PEAK1: variants seen among roughly 807,000 people sequenced by gnomAD.
PEAK1 encodes pseudopodium enriched atypical kinase 1, also known as inactive tyrosine-protein kinase PEAK1.
Under a neutral mutation model 124.7 loss-of-function variants are expected in PEAK1, and 54 were observed. The ratio of observed to expected loss-of-function variants is 0.43; its 90% CI spans 0.35 to 0.54. The LOEUF (loss-of-function observed/expected upper bound fraction) is 0.54, where lower values mean the gene tolerates loss of function less well. Among genes scored for constraint, PEAK1 ranks in the 20% least tolerant of loss-of-function variants. The pLI is 0.01. For missense variants in PEAK1, 2,046 were observed against 2,134.5 expected, an observed-to-expected ratio of 0.96 and a Z score of 0.82; for synonymous variants, 719 against 760.0, an observed-to-expected ratio of 0.95 and a Z score of 0.89.
intron 2 of PEAK1, among the ~76,000 whole-genome samples, chr15:77,342,328 C>A (rs961238430): frequency 2.6e-5 from 4 of 152,138 alleles, no homozygotes; most frequent in Non-Finnish European, 5.9e-5. Context: ...CTCCCTTCAG[C>A]CCCTGGTATT....
At chr15:77,408,185 A>C (rs938563601) in intron 1 of PEAK1, among the ~76,000 whole-genome samples, 4 of 150,836 alleles carry the variant, frequency 2.7e-5, no homozygotes, top group Non-Finnish European at 4.4e-5. Flanking sequence ...ACACACACAC[A>C]CACCCTGGAA....
chr15:77,177,171 G>A (rs888421486), intron 7 of PEAK1, among the ~76,000 whole-genome samples: 1 of 152,088 alleles, frequency 6.6e-6, no homozygotes, highest in Non-Finnish European at 1.5e-5. Context: ...GGCAAGGCTG[G>A]TCTCGAACTC....
chr15:77,192,546 C>G (rs2057887219), intron 6 of PEAK1, among the ~76,000 whole-genome samples: 1 of 152,226 alleles, frequency 6.6e-6, no homozygotes, highest in Non-Finnish European at 1.5e-5. Context: ...TTCTCCTCAT[C>G]AGTGAGATAT....
chr15:77,131,915 C>T (rs896251992), intron 9 of PEAK1, among the ~76,000 whole-genome samples: 3 of 151,762 alleles, frequency 2.0e-5, no homozygotes, highest in African/African-American at 7.3e-5. Context: ...ACCACCTCTA[C>T]CAAAACCAAA....
chr15:77,225,666 T>TTATATATATATATATATATATATATA (rs55958042), intron 6 of PEAK1, among the ~76,000 whole-genome samples: 4 of 87,984 alleles, frequency 4.5e-5, no homozygotes, highest in Non-Finnish European at 9.3e-5. Flanking sequence ...TGTGTATAAT[T>TTATATATATATATATATATATATATA]TATATATATA....
chr15:77,196,403 C>T (rs968664597), intron 6 of PEAK1, among the ~76,000 whole-genome samples: 3 of 152,108 alleles, frequency 2.0e-5, no homozygotes, highest in Admixed American at 2.0e-4. Context: ...TTTCTTAGCT[C>T]CTCATACTCA....
chr15:77,121,839 G>A (rs556816537), intron 9 of PEAK1, among the ~76,000 whole-genome samples: 1 of 152,138 alleles, frequency 6.6e-6, no homozygotes, highest in Non-Finnish European at 1.5e-5. Flanking sequence ...GGAATGAATT[G>A]TGGAGGGACA....
intron 9 of PEAK1, among the ~76,000 whole-genome samples, chr15:77,119,150 C>T (rs1407768172): frequency 3.1e-5 from 4 of 128,110 alleles, no homozygotes; most frequent in South Asian, 2.4e-4. Flanking sequence ...GCCAAGGGAA[C>T]TCCTCGTGTG....
At position 77,114,110 on chromosome 15, in the gene PEAK1, A is replaced by C. The variant is rs768523285; in HGVS notation, c.*46T>G. On this transcript the variant is annotated 3_prime_UTR_variant, in exon 10 of 10. Transcript: ENST00000682557. ...ACTAGGGAGGGGAAGTGCATGGGTG[A>C]CATGAAGAAGGTGAAGATGTAGTAA... 1 of 1,577,476 alleles carries C rather than the reference A, an allele frequency of 6.3e-7. No individual in the cohort carries two copies.
chr15:77,230,505 G>A (rs2059864743), intron 6 of PEAK1, among the ~76,000 whole-genome samples: 1 of 152,080 alleles, frequency 6.6e-6, no homozygotes, highest in Admixed American at 6.6e-5. Context: ...AGCCTGAGGG[G>A]AGTCTTAATG....
intron 1 of PEAK1, among the ~76,000 whole-genome samples, chr15:77,407,181 C>T (rs766095397): frequency 1.1e-4 from 16 of 152,002 alleles, no homozygotes; most frequent in Admixed American, 2.6e-4. Context: ...AAGATAACAT[C>T]GGAAAAACCC....
At chr15:77,340,335 T>A (rs558241104) in intron 2 of PEAK1, among the ~76,000 whole-genome samples, 36 of 152,208 alleles carry the variant, frequency 2.4e-4, no homozygotes, top group Non-Finnish European at 4.3e-4. Flanking sequence ...AAGCTTGAAC[T>A]AACACAGATA....
chr15:77,258,111 T>C (rs1260606913), intron 5 of PEAK1, among the ~76,000 whole-genome samples: 1 of 152,232 alleles, frequency 6.6e-6, no homozygotes, highest in Non-Finnish European at 1.5e-5. Context: ...AACAGTACCA[T>C]GCTGTTTTGG....
chr15:77,358,326 TGA>T (rs1447122903), intron 2 of PEAK1, among the ~76,000 whole-genome samples: 3 of 152,198 alleles, frequency 2.0e-5, no homozygotes, highest in Non-Finnish European at 2.9e-5. Context: ...AAACTTCTCA[TGA>T]GAGTAGTCTA....
downstream of PEAK1, chr15:77,104,702 G>A (rs1596190524): frequency 6.6e-6 from 1 of 152,142 alleles, no homozygotes; most frequent in East Asian, 1.9e-4. Context: ...GAGTGAGGGA[G>A]GACTGTCCCT....
chr15:77,388,532 A>G (rs1395930829), intron 1 of PEAK1, among the ~76,000 whole-genome samples: 2 of 152,166 alleles, frequency 1.3e-5, no homozygotes, highest in Non-Finnish European at 2.9e-5. Context: ...TACTATGTCA[A>G]CTAACTCAGG....
At chr15:77,324,856 C>T (rs543229707) in intron 2 of PEAK1, among the ~76,000 whole-genome samples, 1 of 152,254 alleles carries the variant, frequency 6.6e-6, no homozygotes, top group East Asian at 1.9e-4. Context: ...TCCCACCAGG[C>T]CCCACATCCA....
intron 6 of PEAK1, among the ~76,000 whole-genome samples, chr15:77,226,714 T>G (rs759994705): frequency 3.3e-5 from 5 of 152,098 alleles, no homozygotes; most frequent in Admixed American, 6.6e-5. Context: ...TCTTCATAAG[T>G]CAAGATGAAA....
At position 77,181,573 on chromosome 15, in the gene PEAK1, ATTG is replaced by A; in HGVS notation, c.351_353del (p.Asn120del). Reference sequence around the variant, plus strand: ...TAATTCCTTCATCATCTTCATTATTATTGTTAAGTGGTTTCTGACTCAAGGCAG... The same window carrying A: ...TAATTCCTTCATCATCTTCATTATTATTAAGTGGTTTCTGACTCAAGGCAG... On this transcript the variant is annotated inframe_deletion, in exon 7 of 10. Transcript: ENST00000682557. 1.9e-6 allele frequency: 3 copies of A among 1,614,008 alleles called. No individual in the cohort carries two copies. Among genetic ancestry groups the A allele is most frequent in the Admixed American group, 1.7e-5 (1 of 59,994 alleles).
Sources: gnomAD v4.1 joint callset for allele counts (sites outside exome capture counted in the v4.1 genomes callset) on GRCh38, gnomAD v4.1.1 for gene constraint, MANE v1.5 for transcripts, NCBI Gene and HGNC (gene_info 2026-07-23, HGNC 2026-07-21) for gene names.